Variants in UBTD2 observed in about 807,000 individuals in gnomAD.
The protein encoded by UBTD2 is ubiquitin domain-containing protein 2.
Under a neutral mutation model 19.8 loss-of-function variants are expected in UBTD2, and 9 were observed. The ratio of observed to expected loss-of-function variants is 0.46; its 90% CI spans 0.27 to 0.79. The LOEUF (loss-of-function observed/expected upper bound fraction) is 0.79. Ranked by LOEUF, UBTD2 falls within the 30% of genes least tolerant of loss-of-function variation. The pLI is 0.14. For missense variants in UBTD2, 250 were observed against 300.4 expected (o/e 0.83, Z 1.24); for synonymous variants, 98 against 103.9 (o/e 0.94, Z 0.35).
chr5:172,255,814 C>A (rs1231673710), intron 1 of UBTD2, among the ~76,000 whole-genome samples: 1 of 152,158 alleles, frequency 6.6e-6, no homozygotes, highest in Admixed American at 6.5e-5. Context: ...AGGGGCTGGG[C>A]GCAGTGGCTC....
At chr5:172,255,379 A>C (rs1213858037) in intron 1 of UBTD2, 5 of 490,180 alleles carry the variant, frequency 1.0e-5, no homozygotes, top group Non-Finnish European at 2.0e-5. Flanking sequence ...TGAGTATGAC[A>C]CCGAGACAGG....
chr5:172,277,067 CAAAAAAAAAAAAAAAAAA>C (rs56277139), intron 1 of UBTD2, among the ~76,000 whole-genome samples: 7 of 65,100 alleles, frequency 1.1e-4, no homozygotes, highest in Non-Finnish European at 1.4e-4. Flanking sequence ...GACTCTGTCT[CAAAAAAAAAAAAAAAAAA>C]AAAAAAAAAA....
chr5:172,245,769 G>C (rs1754865054), intron 1 of UBTD2, among the ~76,000 whole-genome samples: 1 of 151,532 alleles, frequency 6.6e-6, no homozygotes, highest in Non-Finnish European at 1.5e-5. Flanking sequence ...TAGCCCCACA[G>C]TAACCTAAAT....
At chr5:172,235,419 T>C (rs1009309047) in intron 1 of UBTD2, among the ~76,000 whole-genome samples, 1 of 152,200 alleles carries the variant, frequency 6.6e-6, no homozygotes, top group African/African-American at 2.4e-5. Flanking sequence ...GTAAATACCT[T>C]TCTCTGGAAC....
At chr5:172,226,143 T>C (rs1309458841) in intron 2 of UBTD2, among the ~76,000 whole-genome samples, 1 of 152,116 alleles carries the variant, frequency 6.6e-6, no homozygotes, top group Admixed American at 6.6e-5. Context: ...TTGACAACCA[T>C]GCCCTGCTAT....
chr5:172,256,561 T>A (rs1351418749), intron 1 of UBTD2, among the ~76,000 whole-genome samples: 3 of 150,956 alleles, frequency 2.0e-5, no homozygotes, highest in Non-Finnish European at 4.4e-5. Flanking sequence ...AGACATGTGG[T>A]TTTGCTATGT....
intron 1 of UBTD2, among the ~76,000 whole-genome samples, chr5:172,276,999 G>A (rs780149130): frequency 1.7e-4 from 25 of 147,358 alleles, no homozygotes; most frequent in Non-Finnish European, 3.4e-4. Flanking sequence ...AACCTGGGAG[G>A]CGGAGATTGC....
chr5:172,253,243 T>C (rs1251214873), intron 1 of UBTD2, among the ~76,000 whole-genome samples: 1 of 152,150 alleles, frequency 6.6e-6, no homozygotes, highest in Non-Finnish European at 1.5e-5. Flanking sequence ...TACAAAATTC[T>C]AAGCTTTATT....
intron 1 of UBTD2, among the ~76,000 whole-genome samples, chr5:172,257,819 G>T (rs553486444): frequency 2.6e-5 from 4 of 152,216 alleles, no homozygotes; most frequent in Middle Eastern, 3.4e-3. Flanking sequence ...TCTTCTTTTG[G>T]TAAGTGTCTG....
chr5:172,239,180 T>C (rs73802419), intron 1 of UBTD2, among the ~76,000 whole-genome samples: 1 of 152,286 alleles, frequency 6.6e-6, no homozygotes, highest in African/African-American at 2.4e-5. Context: ...AATTTAAAGG[T>C]AGAAGAGACC....
intron 2 of UBTD2, among the ~76,000 whole-genome samples, chr5:172,228,481 G>C (rs948954247): frequency 6.6e-6 from 1 of 152,194 alleles, no homozygotes; most frequent in Non-Finnish European, 1.5e-5. Flanking sequence ...AGCACTTTGG[G>C]AGGCCGAGGC....
In UBTD2 at chr5:172,283,375, C is replaced by G. The variant is rs1007923549; in HGVS notation, c.70+221G>C. On this transcript the variant is annotated intron_variant, in intron 1 of 2. Transcript: ENST00000393792. This position sits in a 1 kb window ranked among gnomAD's most constrained non-coding sequence, Gnocchi z 4.3. The stretch of plus-strand genomic sequence containing the variant: ...GCGGGGCGGTCGGCGAGGCCAAGGG[C>G]TACGTCCCCGGCGCTCAGAGGACTT... 6.6e-6 allele frequency among the ~76,000 whole-genome samples: 1 copy of G among 152,192 alleles called. No homozygotes were observed. Among genetic ancestry groups the G allele is most frequent in the African/African-American group, 2.4e-5 (1 of 41,460 alleles).
chr5:172,278,163 T>C (rs756073657), intron 1 of UBTD2, among the ~76,000 whole-genome samples: 2 of 152,014 alleles, frequency 1.3e-5, no homozygotes, highest in Non-Finnish European at 2.9e-5. Context: ...TCCACTCCTA[T>C]CCAGCTGAAA....
rs1301883030 is a variant in UBTD2 at position 172,211,546 on chromosome 5, T to G, written c.*284A>C. The G allele has an allele frequency of 3.4e-6, 1 of 290,672 alleles. No individual in the cohort carries two copies. The highest frequency in any genetic ancestry group is 6.4e-6 in the Non-Finnish European group (1 of 157,030). 18.0% of individuals were successfully genotyped at this position (290,672 alleles called of 1,614,324 possible). On this transcript the variant is annotated 3_prime_UTR_variant, in exon 3 of 3. Transcript: ENST00000393792. ...GTCCAAGTCACTGAAATATAGCCAT[T>G]ACATAGTTGTTGAGTGTTCTAAAAT...
intron 1 of UBTD2, among the ~76,000 whole-genome samples, chr5:172,262,084 C>T (rs1755280463): frequency 6.6e-6 from 1 of 152,172 alleles, no homozygotes; most frequent in South Asian, 2.1e-4. Context: ...GACCCTGTGC[C>T]TCAGTTTCCT....
rs1342710560 is a variant in UBTD2, at chr5:172,283,581, C to CA, written c.70+14_70+15insT. ...AACAATGGGGGGCCGAGGCTGCCCCCTGGCGCTCACCTACCTCCGGTGCCC... is the reference window on the plus strand; with the variant it reads ...AACAATGGGGGGCCGAGGCTGCCCCCATGGCGCTCACCTACCTCCGGTGCCC... On this transcript the variant is annotated intron_variant, in intron 1 of 2. Transcript: ENST00000393792. The surrounding 1 kb of genome is among the most constrained non-coding windows in gnomAD (Gnocchi z 4.3). The CA allele has an allele frequency of 7.7e-7, 1 of 1,300,848 alleles. No homozygotes were observed. The highest frequency in any genetic ancestry group is 9.8e-7 in the Non-Finnish European group (1 of 1,017,460). 80.6% of individuals were successfully genotyped at this position (1,300,848 alleles called of 1,614,324 possible).
At chr5:172,272,831 A>G (rs1373674151) in intron 1 of UBTD2, among the ~76,000 whole-genome samples, 1 of 152,228 alleles carries the variant, frequency 6.6e-6, no homozygotes, top group Non-Finnish European at 1.5e-5. Flanking sequence ...CTGTAATCCC[A>G]GCACTTTGGG....
Position 172,233,401 on chromosome 5 carries a change from T to G in UBTD2, c.307+721A>C, listed in dbSNP as rs547958801. The stretch of plus-strand genomic sequence containing the variant: ...GAAATAAAAAATGTAAATACAAAAT[T>G]AACACCTAAATCTCAATGTAGCATG... On this transcript the variant is annotated intron_variant, in intron 2 of 2. Coordinates refer to ENST00000393792, the MANE Select transcript of UBTD2 (RefSeq NM_152277.3). Among the ~76,000 whole-genome samples, 28 of 151,148 alleles carry G rather than the reference T, an allele frequency of 1.9e-4. No homozygotes were observed. In the East Asian group the frequency reaches 5.3e-3, roughly 28 times the overall value.
intron 2 of UBTD2, among the ~76,000 whole-genome samples, chr5:172,228,582 G>A (rs537018191): frequency 1.3e-5 from 2 of 152,128 alleles, no homozygotes; most frequent in East Asian, 1.9e-4. Context: ...TTAGATGGGC[G>A]TGGTGCTGCA....
Sources: gnomAD v4.1 joint callset for allele counts (sites outside exome capture counted in the v4.1 genomes callset) on GRCh38, gnomAD v4.1.1 for gene constraint, Gnocchi (gnomAD v3.1) non-coding constraint, MANE v1.5 for transcripts, NCBI Gene and HGNC (gene_info 2026-07-23, HGNC 2026-07-21) for gene names.